ITGAL: variants seen among roughly 807,000 people sequenced by gnomAD.
ITGAL encodes the protein integrin subunit alpha L.
ITGAL carries 68 observed loss-of-function variants against 138.4 expected under a neutral mutation model. The observed-to-expected ratio is 0.49, with a 90% CI of 0.40 to 0.60. ITGAL has a LOEUF of 0.60. Ranked by LOEUF, ITGAL falls within the 20% of genes least tolerant of loss-of-function variation. The probability of loss-of-function intolerance (pLI) is 0.00; values close to 1 mark genes in which losing one functional copy is unlikely to be tolerated. For missense variants in ITGAL, 1,256 were observed against 1,478.6 expected, an observed-to-expected ratio of 0.85 and a Z score of 2.47; for synonymous variants, 561 against 584.3, an observed-to-expected ratio of 0.96 and a Z score of 0.57.
At chr16:30,476,790 G>A (rs2050478189) in intron 4 of ITGAL, among the ~76,000 whole-genome samples, 1 of 152,016 alleles carries the variant, frequency 6.6e-6, no homozygotes, top group East Asian at 1.9e-4. Context: ...GTGCCACCAT[G>A]CCTTGGCTAA....
chr16:30,473,907 C>T, intron 1 of ITGAL: 1 of 561,176 alleles, frequency 1.8e-6, no homozygotes, highest in Middle Eastern at 2.9e-4. Context: ...GCCTTGGGGC[C>T]CCTTGGGTCT....
chr16:30,489,933 C>T (rs905489433), intron 11 of ITGAL, among the ~76,000 whole-genome samples: 5 of 150,180 alleles, frequency 3.3e-5, no homozygotes, highest in African/African-American at 1.2e-4. Context: ...AAGACTCTGT[C>T]TCAACAAACA....
At position 30,488,478 on chromosome 16, in the gene ITGAL, C is replaced by T. The variant is rs151198921; in HGVS notation, c.1007-604C>T. Among the ~76,000 whole-genome samples, 973 of 151,750 alleles carry T rather than the reference C, an allele frequency of 6.4e-3. 8 individuals carry two copies. Among genetic ancestry groups the T allele is most frequent in the African/African-American group, 0.021 (884 of 41,402 alleles). The stretch of plus-strand genomic sequence containing the variant: ...TCATTGTCCCAACACATTGGGAGGC[C>T]GAGGCGGGTGGATCACCTGAGTTCG... On this transcript the variant is annotated intron_variant, in intron 9 of 30. Transcript: ENST00000356798.
intron 17 of ITGAL, among the ~76,000 whole-genome samples, chr16:30,500,178 C>A (rs1033717397): frequency 1.3e-5 from 2 of 149,714 alleles, no homozygotes; most frequent in African/African-American, 4.9e-5. Flanking sequence ...CTCTGCCTCC[C>A]GGGTTCAAGC....
Position 30,521,569 on chromosome 16 carries a change from C to T in ITGAL, c.3417C>T (p.Asp1139=). Residue 1139 remains aspartate (D), a synonymous_variant, in exon 31 of 31, where the codon GAC becomes GAT. Coordinates refer to ENST00000356798, the MANE Select transcript of ITGAL (RefSeq NM_002209.3). ...TCCCGAATGGAATCCCTGCAGAAGA[C>T]TCTGAGCAGCTGGCATCTGGGCAAG... The part of the protein sequence containing the change: ...RGVPNGIPAE[D]SEQLASGQEA... The T allele has an allele frequency of 1.2e-6, 2 of 1,614,190 alleles. No individual in the cohort carries two copies. Among genetic ancestry groups the T allele is most frequent in the Non-Finnish European group, 1.7e-6 (2 of 1,180,024 alleles).
intron 18 of ITGAL, chr16:30,505,036 A>G (rs996694832): frequency 2.4e-5 from 9 of 381,358 alleles, no homozygotes; most frequent in East Asian, 3.7e-5. Context: ...AAAAAAAAAA[A>G]GAGCTGCCAG....
chr16:30,511,354 A>G (rs1366030007), intron 24 of ITGAL, among the ~76,000 whole-genome samples: 1 of 152,194 alleles, frequency 6.6e-6, no homozygotes, highest in Non-Finnish European at 1.5e-5. Context: ...GCATTTACTG[A>G]TGGAAGAAAA....
chr16:30,493,765 G>C (rs1246716791), intron 11 of ITGAL, among the ~76,000 whole-genome samples: 1 of 152,082 alleles, frequency 6.6e-6, no homozygotes, highest in Non-Finnish European at 1.5e-5. Flanking sequence ...GTGGCTGGGC[G>C]CCTGTAATCC....
intron 9 of ITGAL, 65 bp downstream of exon 9, chr16:30,484,328 G>A: frequency 4.6e-6 from 7 of 1,526,798 alleles, no homozygotes; most frequent in Middle Eastern, 3.8e-4. Context: ...GGGACATCAG[G>A]CCGGGCTTGG....
chr16:30,497,018 C>T (rs955323215), intron 15 of ITGAL, among the ~76,000 whole-genome samples: 1 of 152,056 alleles, frequency 6.6e-6, no homozygotes, highest in African/African-American at 2.4e-5. Context: ...CCAGAGACAG[C>T]TTACATATTG....
chr16:30,476,535 A>G (rs2050474827), intron 4 of ITGAL, among the ~76,000 whole-genome samples: 1 of 152,306 alleles, frequency 6.6e-6, no homozygotes, highest in Non-Finnish European at 1.5e-5. Context: ...GCTGAAGTTA[A>G]ACAAAAATTT....
In ITGAL at chr16:30,499,025, ACG is replaced by A. The variant is rs1341894298; in HGVS notation, c.1833-48_1833-47del. On this transcript the variant is annotated intron_variant, in intron 15 of 30. Coordinates refer to ENST00000356798, the MANE Select transcript of ITGAL (RefSeq NM_002209.3). ...GCGGGAGCCCCACATCTGAGGGGGG[ACG>A]TGCAGTTGGGTTGGAGGGAGAGAGT... 2.6e-6 allele frequency: 4 copies of A among 1,562,372 alleles called. 1 individual carries two copies. Among genetic ancestry groups the A allele is most frequent in the Admixed American group, 3.7e-5 (2 of 53,834 alleles).
chr16:30,504,895 C>A, intron 18 of ITGAL: 1 of 168,612 alleles, frequency 5.9e-6, no homozygotes, highest in Non-Finnish European at 1.3e-5. Flanking sequence ...GTGGTAGATG[C>A]CTGTAATCCC....
At chr16:30,519,651 AGGCCTAG>A in intron 29 of ITGAL, 199 bp from the exon 30 acceptor site, 1 of 552,752 alleles carries the variant, frequency 1.8e-6, no homozygotes, top group Non-Finnish European at 3.3e-6. Context: ...AAGCCATTGA[AGGCCTAG>A]GGCTGCCTAA....
intron 17 of ITGAL, among the ~76,000 whole-genome samples, chr16:30,503,124 C>T (rs1007910244): frequency 2.6e-5 from 4 of 152,036 alleles, no homozygotes; most frequent in Non-Finnish European, 5.9e-5. Flanking sequence ...CTGTTTTAAA[C>T]TTTTTATTAT....
intron 1 of ITGAL, 32 bp from the exon 2 acceptor site, chr16:30,474,164 C>G: frequency 1.3e-6 from 2 of 1,510,596 alleles, no homozygotes; most frequent in Non-Finnish European, 1.8e-6. Flanking sequence ...GGGGGTCCCT[C>G]GGTCGCAGCT....
chr16:30,517,329 G>T (rs747042559), intron 26 of ITGAL, among the ~76,000 whole-genome samples: 1 of 152,068 alleles, frequency 6.6e-6, no homozygotes, highest in African/African-American at 2.4e-5. Flanking sequence ...ATGGTGGCCC[G>T]TGCCCGTGGT....
At position 30,504,199 on chromosome 16, in the gene ITGAL, C is replaced by G; in HGVS notation, c.2170C>G (p.Pro724Ala). The G allele has an allele frequency of 6.2e-7, 1 of 1,613,602 alleles. No individual in the cohort carries two copies. Among genetic ancestry groups the G allele is most frequent in the Non-Finnish European group, 8.5e-7 (1 of 1,179,598 alleles). ...GGTATGTGTTCAAGACCTCATCTCC[C>G]CCATCAATGTTTCCCTGAATTTCTC... ...FPVCVQDLIS[P>A]INVSLNFSLW... The change falls in exon 18 of 31, where the codon CCC becomes GCC. Residue 724 changes from proline (P) to alanine (A), a missense_variant. Coordinates refer to ENST00000356798, the MANE Select transcript of ITGAL (RefSeq NM_002209.3).
Position 30,521,707 on chromosome 16 carries a change from G to C in ITGAL, c.*42G>C, listed in dbSNP as rs750471253. On this transcript the variant is annotated 3_prime_UTR_variant, in exon 31 of 31. Coordinates refer to ENST00000356798, the MANE Select transcript of ITGAL (RefSeq NM_002209.3). The stretch of plus-strand genomic sequence containing the variant: ...TGCAGAGTGCCCAGAACTGGACTCA[G>C]GATGCCCAGGGCCACTCTGCCTCTG... 6.3e-7 allele frequency: 1 copy of C among 1,587,042 alleles called. No individual in the cohort carries two copies. Among genetic ancestry groups the C allele is most frequent in the Non-Finnish European group, 8.6e-7 (1 of 1,162,522 alleles).
Sources: gnomAD v4.1 joint callset for allele counts (sites outside exome capture counted in the v4.1 genomes callset) on GRCh38, gnomAD v4.1.1 for gene constraint, MANE v1.5 for transcripts, NCBI Gene and HGNC (gene_info 2026-07-23, HGNC 2026-07-21) for gene names.